ZSCAN5A: variants seen among roughly 807,000 people sequenced by gnomAD.
ZSCAN5A encodes zinc finger and SCAN domain-containing protein 5A.
ZSCAN5A carries 12 observed loss-of-function variants against 23.7 expected under a neutral mutation model. The ratio of observed to expected loss-of-function variants is 0.51; its 90% CI spans 0.32 to 0.82. ZSCAN5A has a LOEUF of 0.82. ZSCAN5A is among the 40% of genes least tolerant of loss of function. ZSCAN5A has a pLI of 0.03. For synonymous variants in ZSCAN5A, 257 were observed against 239.9 expected, an observed-to-expected ratio of 1.07 and a Z score of -0.66; for missense variants, 597 against 617.9, an observed-to-expected ratio of 0.97 and a Z score of 0.36.
intron 1 of ZSCAN5A, among the ~76,000 whole-genome samples, chr19:56,366,437 A>G (rs962705693): frequency 2.6e-5 from 4 of 151,720 alleles, no homozygotes; most frequent in African/African-American, 4.8e-5. Context: ...AAAAAAAAAA[A>G]AAAAAAGAAA....
chr19:56,313,162 C>T (rs898841784), intron 2 of ZSCAN5A, 121 bp downstream of exon 2: 9 of 217,606 alleles, frequency 4.1e-5, no homozygotes, highest in African/African-American at 9.5e-5. Flanking sequence ...CTAAAAGCCA[C>T]GGAAACCACC....
At chr19:56,292,898 C>T (rs569276749) in intron 2 of ZSCAN5A, among the ~76,000 whole-genome samples, 8 of 152,342 alleles carry the variant, frequency 5.3e-5, no homozygotes, top group African/African-American at 1.9e-4. Flanking sequence ...GACAGTGCTT[C>T]ACTCCTTTTC....
intron 2 of ZSCAN5A, among the ~76,000 whole-genome samples, chr19:56,350,175 T>G (rs2041658869): frequency 6.6e-6 from 1 of 152,246 alleles, no homozygotes; most frequent in Non-Finnish European, 1.5e-5. Context: ...AAGGTTGTTT[T>G]GCTTATAGCA....
intron 2 of ZSCAN5A, chr19:56,272,948 T>C: frequency 1.0e-6 from 1 of 953,228 alleles, no homozygotes; most frequent in Non-Finnish European, 1.2e-6. Context: ...CCTTGTGTCC[T>C]CTATGTATTT....
At chr19:56,251,026 T>A (rs2053085) in intron 2 of ZSCAN5A, among the ~76,000 whole-genome samples, 3 of 151,934 alleles carry the variant, frequency 2.0e-5, no homozygotes, top group Non-Finnish European at 4.4e-5. Flanking sequence ...GGCATGCACC[T>A]GTAGTCCCAG....
At chr19:56,342,638 G>GA in intron 2 of ZSCAN5A, 1 of 486,770 alleles carries the variant, frequency 2.1e-6, no homozygotes. Flanking sequence ...AAAAAATTTG[G>GA]AAAAAGGGAT....
chr19:56,256,902 G>GA lies in ZSCAN5A; in HGVS notation c.-127-31730dup, dbSNP rs149388893. On this transcript the variant is annotated intron_variant, in intron 2 of 5. Coordinates refer to ENST00000683990, the MANE Select transcript of ZSCAN5A (RefSeq NM_001322064.3). The stretch of plus-strand genomic sequence containing the variant: ...TGGATTATCTGTTGCAGATAGTGGT[G>GA]AAAAAAAAAAGCAAACAGGTGGTTC... Among the ~76,000 whole-genome samples, 173 of 148,336 alleles carry GA rather than the reference G, an allele frequency of 1.2e-3. 1 individual carries two copies. The highest frequency in any genetic ancestry group is 8.5e-4 in the Non-Finnish European group (57 of 66,742).
chr19:56,281,330 C>T (rs1455169064), intron 2 of ZSCAN5A, among the ~76,000 whole-genome samples: 3 of 148,560 alleles, frequency 2.0e-5, no homozygotes, highest in African/African-American at 7.5e-5. Flanking sequence ...TAGTTCAAAC[C>T]TGTATTGTTC....
At chr19:56,301,481 A>G (rs1195040054) in intron 2 of ZSCAN5A, among the ~76,000 whole-genome samples, 4 of 152,000 alleles carry the variant, frequency 2.6e-5, no homozygotes, top group East Asian at 1.9e-4. Flanking sequence ...TTGAATCGCT[A>G]TCTTGGTTTC....
rs918207328 is a variant in ZSCAN5A at position 56,341,525 on chromosome 19, T to C, written c.-358+21710A>G. On this transcript the variant is annotated intron_variant, in intron 2 of 6. Coordinates refer to the ZSCAN5A transcript ENST00000587340. ...TAAGCTCTCAGTATTTAAAATTTAGTAGGGCTTGGTGTCATTTTTAGACCC... is the reference window on the plus strand; with the variant it reads ...TAAGCTCTCAGTATTTAAAATTTAGCAGGGCTTGGTGTCATTTTTAGACCC... Among the ~76,000 whole-genome samples the C allele has an allele frequency of 5.3e-5, 8 of 152,218 alleles. No individual in the cohort carries two copies. In the East Asian group the frequency reaches 1.5e-3, roughly 29 times the overall value.
chr19:56,223,295 G>C (rs900543832), intron 4 of ZSCAN5A, among the ~76,000 whole-genome samples: 4 of 152,308 alleles, frequency 2.6e-5, no homozygotes, highest in East Asian at 1.9e-4. Flanking sequence ...TGTAGAAAAT[G>C]GTTTCCTTGC....
At position 56,352,551 on chromosome 19, in the gene ZSCAN5A, G is replaced by T. The variant is rs1418177967; in HGVS notation, c.-358+10684C>A. Among the ~76,000 whole-genome samples, 2 of 152,328 alleles carry T rather than the reference G, an allele frequency of 1.3e-5. No individual in the cohort carries two copies. The highest frequency in any genetic ancestry group is 2.9e-5 in the Non-Finnish European group (2 of 68,034). ...GTAAATGGTGAGGAAGAATATTCAA[G>T]ACAATTGCAACAGGGGAGAGAGACC... is the stretch of plus-strand genomic sequence containing the variant. On this transcript the variant is annotated intron_variant, in intron 2 of 6. Transcript: ENST00000587340. The surrounding 1 kb of genome is among the most constrained non-coding windows in gnomAD (Gnocchi z 4.2).
intron 2 of ZSCAN5A, chr19:56,363,081 G>A (rs767583420): frequency 6.6e-6 from 1 of 152,104 alleles, no homozygotes; most frequent in Admixed American, 6.5e-5. Flanking sequence ...CAGTACCTCT[G>A]CATTTTTAAT....
chr19:56,272,186 C>T, intron 2 of ZSCAN5A, among the ~76,000 whole-genome samples: 1 of 152,180 alleles, frequency 6.6e-6, no homozygotes. Context: ...AATGTAAAAA[C>T]AATACTTACT....
chr19:56,257,037 G>C (rs999000108), intron 2 of ZSCAN5A, among the ~76,000 whole-genome samples: 1 of 152,136 alleles, frequency 6.6e-6, no homozygotes, highest in Non-Finnish European at 1.5e-5. Context: ...TGCCATCAGG[G>C]GAATACCTGC....
chr19:56,307,295 C>T (rs185977682), intron 2 of ZSCAN5A, among the ~76,000 whole-genome samples: 28 of 152,278 alleles, frequency 1.8e-4, no homozygotes, highest in African/African-American at 5.8e-4. Flanking sequence ...CTCGATCATA[C>T]GATATACCCC....
intron 2 of ZSCAN5A, among the ~76,000 whole-genome samples, chr19:56,300,451 T>C (rs997204605): frequency 3.3e-5 from 5 of 152,084 alleles, no homozygotes; most frequent in Admixed American, 1.3e-4. Flanking sequence ...TCACAGGAGG[T>C]AGATTTGCTA....
At chr19:56,228,279 T>C (rs929263466) in intron 2 of ZSCAN5A, 17 of 985,148 alleles carry the variant, frequency 1.7e-5, no homozygotes, top group Non-Finnish European at 1.8e-5. Context: ...CCTCCGACCT[T>C]CTCGGTCTGG....
At chr19:56,230,428 A>C (rs1431355759) in intron 2 of ZSCAN5A, among the ~76,000 whole-genome samples, 1 of 152,214 alleles carries the variant, frequency 6.6e-6, no homozygotes, top group African/African-American at 2.4e-5. Flanking sequence ...GAAGTTTGGA[A>C]ACAGGTATAC....
Sources: allele counts gnomAD v4.1 joint callset (sites outside exome capture counted in the v4.1 genomes callset), GRCh38; gene constraint gnomAD v4.1.1; non-coding constraint Gnocchi (gnomAD v3.1); transcripts MANE v1.5; gene names NCBI Gene and HGNC (gene_info 2026-07-23, HGNC 2026-07-21).